CLSTN3: variants seen among roughly 807,000 people sequenced by gnomAD.
CLSTN3 encodes calsyntenin-3.
CLSTN3 carries 36 observed loss-of-function variants against 95.9 expected under a neutral mutation model. That is an observed-to-expected ratio of 0.38 (90% CI 0.29 to 0.50). The LOEUF (loss-of-function observed/expected upper bound fraction) is 0.50, where lower values mean the gene tolerates loss of function less well. CLSTN3 is among the 20% of genes least tolerant of loss of function. The pLI is 0.95. For missense variants in CLSTN3, 1,084 were observed against 1,268.8 expected, an observed-to-expected ratio of 0.85 and a Z score of 2.21; for synonymous variants, 481 against 504.0, an observed-to-expected ratio of 0.95 and a Z score of 0.61.
Position 7,149,273 on chromosome 12 carries a change from T to C in CLSTN3, c.2074+75T>C, listed in dbSNP as rs1591620297. On this transcript the variant is annotated intron_variant, in intron 13 of 17. Transcript: ENST00000266546. The surrounding 1 kb of genome is among the most constrained non-coding windows in gnomAD (Gnocchi z 4.5). Reference sequence around the variant, plus strand: ...TGGAGTCAGAGTGTGGGAGAACTCCTGGGGCTGGAAGCAGAAAGCGACTCC... The same window carrying C: ...TGGAGTCAGAGTGTGGGAGAACTCCCGGGGCTGGAAGCAGAAAGCGACTCC... The C allele has an allele frequency of 8.1e-7, 1 of 1,239,692 alleles. No homozygotes were observed. Among genetic ancestry groups the C allele is most frequent in the East Asian group, 2.6e-5 (1 of 38,208 alleles). 76.8% of individuals were successfully genotyped at this position (1,239,692 alleles called of 1,614,324 possible). A position where few individuals can be genotyped will look rare whatever the true frequency, so the allele number is the denominator to read the frequency against.
rs118048793 is a variant in CLSTN3, at chr12:7,134,858, C to T, written c.384-469C>T. On this transcript the variant is annotated intron_variant, in intron 3 of 17. Transcript: ENST00000266546. Reference sequence around the variant, plus strand: ...CTCCTGAGCACCCCTGGGCCTTGTTCCTCATCCCCTACATCAGTCCTCCTT... The same window carrying T: ...CTCCTGAGCACCCCTGGGCCTTGTTTCTCATCCCCTACATCAGTCCTCCTT... 3.8e-4 allele frequency among the ~76,000 whole-genome samples: 58 copies of T among 152,284 alleles called. No homozygotes were observed. In the East Asian group the frequency reaches 9.1e-3, roughly 24 times the overall value.
chr12:7,141,361 ACCC>A lies in CLSTN3; in HGVS notation c.1445_1447del (p.Pro482del). 1 of 1,613,760 alleles carries A rather than the reference ACCC, an allele frequency of 6.2e-7. No homozygotes were observed. The highest frequency in any genetic ancestry group is 8.5e-7 in the Non-Finnish European group (1 of 1,179,944). ...TCCATGACAATGGCCTCATCCACCC[ACCC>A]CGAAGGGAGCCTGCTCTCATGATTG... On this transcript the variant is annotated inframe_deletion, in exon 9 of 18. Transcript: ENST00000266546. This position sits in a 1 kb window ranked among gnomAD's most constrained non-coding sequence, Gnocchi z 4.1.
chr12:7,141,122 T>G lies in CLSTN3; in HGVS notation c.1324-120T>G. On this transcript the variant is annotated intron_variant, in intron 8 of 17. Transcript: ENST00000266546. The surrounding 1 kb of genome is among the most constrained non-coding windows in gnomAD (Gnocchi z 4.1). ...GGCAGCAAAGCACTAGTAAGCCCTG[T>G]TGGTAGAACTGGGAATAAAGGGACT... 1 of 1,121,192 alleles carries G rather than the reference T, an allele frequency of 8.9e-7. No individual in the cohort carries two copies. The highest frequency in any genetic ancestry group is 1.3e-6 in the Non-Finnish European group (1 of 780,268). 69.5% of individuals were successfully genotyped at this position (1,121,192 alleles called of 1,614,324 possible).
rs1298722207 is a variant in CLSTN3 at position 7,135,862 on chromosome 12, A to G, written c.651A>G (p.Thr217=). The change falls in exon 5 of 18, where the codon ACA becomes ACG. Residue 217 remains threonine (T), a synonymous_variant. Coordinates refer to ENST00000266546, the MANE Select transcript of CLSTN3 (RefSeq NM_014718.4). ...GTGGTGAGAGGCTCTATAAGTTTAC[A>G]GTGACAGCTTATGACTGTGGGAAGA... is the stretch of plus-strand genomic sequence containing the variant. ...QYSGERLYKF[T]VTAYDCGKKR... 1.9e-6 allele frequency: 3 copies of G among 1,613,930 alleles called. No homozygotes were observed. Among genetic ancestry groups the G allele is most frequent in the Non-Finnish European group, 2.5e-6 (3 of 1,179,962 alleles).
At chr12:7,156,828 G>A (rs963185276) in intron 16 of CLSTN3, 1 of 455,670 alleles carries the variant, frequency 2.2e-6, no homozygotes, top group African/African-American at 2.0e-5. Context: ...GGGGAGGCAG[G>A]TATGCCTCAG....
Position 7,133,581 on chromosome 12 carries a change from T to C in CLSTN3, c.196T>C (p.Cys66Arg). 6.2e-7 allele frequency: 1 copy of C among 1,613,990 alleles called. No individual in the cohort carries two copies. Among genetic ancestry groups the C allele is most frequent in the Non-Finnish European group, 8.5e-7 (1 of 1,179,962 alleles). ...CTTCTCCCCTTTGCCAGGTGAGATCTGCGGCTTCCGGCTCCATGGGTCTGG... is the reference window on the plus strand; with the variant it reads ...CTTCTCCCCTTTGCCAGGTGAGATCCGCGGCTTCCGGCTCCATGGGTCTGG... Reference protein sequence around the residue: ...DAPLRYAGEICGFRLHGSGVP... With the variant: ...DAPLRYAGEIRGFRLHGSGVP... Residue 66 changes from cysteine (C) to arginine (R), a missense_variant, in exon 3 of 18, where the codon TGC becomes CGC. Coordinates refer to ENST00000266546, the MANE Select transcript of CLSTN3 (RefSeq NM_014718.4). This position sits in a 1 kb window ranked among gnomAD's most constrained non-coding sequence, Gnocchi z 4.7.
intron 3 of CLSTN3, among the ~76,000 whole-genome samples, chr12:7,134,804 G>A (rs16916855): frequency 0.014 from 2,192 of 152,296 alleles, 65 homozygotes; most frequent in African/African-American, 0.05. Context: ...CTGACCCATA[G>A]CATTTTGCAC....
chr12:7,143,116 G>A (rs1939559736), intron 11 of CLSTN3, 47 bp from the exon 12 acceptor site: 2 of 1,599,518 alleles, frequency 1.3e-6, no homozygotes, highest in South Asian at 1.1e-5. Flanking sequence ...CCCTTCCTCT[G>A]CCACCTCCTG....
intron 16 of CLSTN3, among the ~76,000 whole-genome samples, chr12:7,155,487 T>C (rs1208909778): frequency 6.6e-6 from 1 of 152,198 alleles, no homozygotes; most frequent in African/African-American, 2.4e-5. Flanking sequence ...GAAGTTCACC[T>C]GCTTTGGCCT....
chr12:7,157,961 C>A lies in CLSTN3; in HGVS notation c.2751C>A (p.Ser917=), dbSNP rs1388359532. The A allele has an allele frequency of 2.6e-6, 4 of 1,551,184 alleles. No individual in the cohort carries two copies. Among genetic ancestry groups the A allele is most frequent in the Non-Finnish European group, 3.5e-6 (4 of 1,146,982 alleles). The stretch of plus-strand genomic sequence containing the variant: ...TCCAGTCCTACCAGAATCGGCAGTC[C>A]TGTGTGACGGGGGCTGTTGGGGGCC... ...NPMESYQNRQ[S]CVTGAVGGQQ... is the part of the protein sequence containing the mutation. Residue 917 remains serine, a synonymous_variant, in exon 18 of 18, where the codon TCC becomes TCA. Transcript: ENST00000266546. This position sits in a 1 kb window ranked among gnomAD's most constrained non-coding sequence, Gnocchi z 5.9.
rs1939457095 is a variant in CLSTN3, at chr12:7,137,799, A to AGAGG, written c.1211-153_1211-152insGGAG. On this transcript the variant is annotated intron_variant, in intron 7 of 17. Transcript: ENST00000266546. The surrounding 1 kb of genome is among the most constrained non-coding windows in gnomAD (Gnocchi z 4.4). ...GTGTGTGTGTGTGTGTGTGTGTGAG[A>AGAGG]GAGAGAGAGAGAGAGAGAGAGAGGA... Among the ~76,000 whole-genome samples the AGAGG allele has an allele frequency of 1.4e-5, 1 of 72,668 alleles. No individual in the cohort carries two copies. Among genetic ancestry groups the AGAGG allele is most frequent in the Non-Finnish European group, 2.8e-5 (1 of 35,332 alleles). 47.7% of individuals were successfully genotyped at this position (72,668 alleles called of 152,430 possible).
rs1939694911 is a variant in CLSTN3, at chr12:7,149,902, C to T, written c.2245+209C>T. Among the ~76,000 whole-genome samples the T allele has an allele frequency of 6.6e-6, 1 of 152,184 alleles. No homozygotes were observed. The highest frequency in any genetic ancestry group is 1.5e-5 in the Non-Finnish European group (1 of 68,044). On this transcript the variant is annotated intron_variant, in intron 14 of 17. Coordinates refer to ENST00000266546, the MANE Select transcript of CLSTN3 (RefSeq NM_014718.4). The surrounding 1 kb of genome is among the most constrained non-coding windows in gnomAD (Gnocchi z 4.5). ...CTCCGAATGCTTCTGTCTTCCTGCT[C>T]CTCTCCATAGCCTGGCTCACCTCCA...
rs983912770 is a variant in CLSTN3 at position 7,133,138 on chromosome 12, G to T, written c.179G>T (p.Arg60Leu). The change falls in exon 2 of 18, where the codon CGC (arginine) becomes CTC (leucine). Residue 60 changes from arginine to leucine, a missense_variant. Transcript: ENST00000266546. The surrounding 1 kb of genome is among the most constrained non-coding windows in gnomAD (Gnocchi z 4.7). ...LFALDKDAPL[R>L]YAGEICGFRL... ...GCCTTGGACAAGGATGCCCCGCTGC[G>T]CTATGCAGGTAATTGGGATTGGGGG... 6.2e-7 allele frequency: 1 copy of T among 1,614,098 alleles called. No individual in the cohort carries two copies. The highest frequency in any genetic ancestry group is 8.5e-7 in the Non-Finnish European group (1 of 1,180,006).
intron 16 of CLSTN3, among the ~76,000 whole-genome samples, chr12:7,151,971 T>C (rs1939730819): frequency 6.6e-6 from 1 of 151,660 alleles, no homozygotes; most frequent in South Asian, 2.1e-4. Context: ...GGAGGATCTC[T>C]TGGGCCTGTG....
At position 7,143,307 on chromosome 12, in the gene CLSTN3, G is replaced by A. The variant is rs1264278466; in HGVS notation, c.1843G>A (p.Val615Ile). 6.2e-7 allele frequency: 1 copy of A among 1,607,858 alleles called. No homozygotes were observed. Among genetic ancestry groups the A allele is most frequent in the Non-Finnish European group, 8.5e-7 (1 of 1,179,470 alleles). ...GVRPLRLTTA[V>I]KCFSEESCVS... ...CAGGCCCCTGCGCCTCACCACTGCT[G>A]TCAAGTGAGTGTTGGGTGGGGCAGG... Residue 615 changes from valine to isoleucine, a missense_variant, in exon 12 of 18, where the codon GTC becomes ATC. By Grantham distance (29) the Val-to-Ile change is conservative (BLOSUM62 3). Coordinates refer to ENST00000266546, the MANE Select transcript of CLSTN3 (RefSeq NM_014718.4).
Position 7,133,822 on chromosome 12 carries a change from C to T in CLSTN3, c.383+54C>T, listed in dbSNP as rs1939353412. ...GTGTTGCAGGGTCCTCCTCCCTGCTCCCAAGCCCACCATCCTCTGTCCGTG... is the reference window on the plus strand; with the variant it reads ...GTGTTGCAGGGTCCTCCTCCCTGCTTCCAAGCCCACCATCCTCTGTCCGTG... On this transcript the variant is annotated intron_variant, in intron 3 of 17. Transcript: ENST00000266546. The surrounding 1 kb of genome is among the most constrained non-coding windows in gnomAD (Gnocchi z 4.7). 1 of 1,391,646 alleles carries T rather than the reference C, an allele frequency of 7.2e-7. No homozygotes were observed. The highest frequency in any genetic ancestry group is 2.3e-5 in the Admixed American group (1 of 43,582). The allele number at this position is 1,391,646 out of a possible 1,614,324, so 86.2% of individuals were successfully genotyped here. A position where few individuals can be genotyped will look rare whatever the true frequency, so the allele number is the denominator to read the frequency against.
chr12:7,151,194 C>T, intron 16 of CLSTN3, 131 bp downstream of exon 16: 2 of 1,096,238 alleles, frequency 1.8e-6, no homozygotes, highest in South Asian at 3.8e-5. Context: ...CCCTGTGGTA[C>T]CTGCCTTAGT....
At chr12:7,131,618 G>A (rs1421572403) in intron 1 of CLSTN3, among the ~76,000 whole-genome samples, 1 of 152,138 alleles carries the variant, frequency 6.6e-6, no homozygotes, top group African/African-American at 2.4e-5. Context: ...GGGGCCAGGA[G>A]GAGAGGAGAC....
At chr12:7,155,104 C>G (rs962398697) in intron 16 of CLSTN3, among the ~76,000 whole-genome samples, 1 of 152,232 alleles carries the variant, frequency 6.6e-6, no homozygotes, top group Admixed American at 6.5e-5. Context: ...GGGCTTTCCA[C>G]TGTCCTCGCA....
Sources: gnomAD v4.1 joint callset for allele counts (sites outside exome capture counted in the v4.1 genomes callset) on GRCh38, gnomAD v4.1.1 for gene constraint, Gnocchi (gnomAD v3.1) non-coding constraint, MANE v1.5 for transcripts, NCBI Gene and HGNC (gene_info 2026-07-23, HGNC 2026-07-21) for gene names.